TRIM75: variants seen among roughly 807,000 people sequenced by gnomAD.
TRIM75 encodes tripartite motif-containing protein 75.
chr4:165,057,891 C>T, the TRIM75 span, among the ~76,000 whole-genome samples: 1 of 152,158 alleles, frequency 6.6e-6, no homozygotes, highest in South Asian at 2.1e-4. Flanking sequence ...TGCTTCTATG[C>T]TCGTTTGGAG....
the TRIM75 span, chr4:165,059,024 C>T: frequency 1.6e-5 from 10 of 614,376 alleles, no homozygotes; most frequent in African/African-American, 1.9e-4. Context: ...GTAGTGAGGT[C>T]ATCAGCTGCC....
At chr4:165,054,889 G>A in the TRIM75 span, among the ~76,000 whole-genome samples, 1,044 of 152,158 alleles carry the variant, frequency 6.9e-3, 6 homozygotes, top group South Asian at 0.021. Context: ...GTCTGATGGC[G>A]AGTGTGGAAT....
At chr4:165,056,805 C>T in the TRIM75 span, among the ~76,000 whole-genome samples, 1 of 151,692 alleles carries the variant, frequency 6.6e-6, no homozygotes, top group South Asian at 2.1e-4. Flanking sequence ...TTAGTACAGA[C>T]GGGGTTTCAC....
the TRIM75 span, among the ~76,000 whole-genome samples, chr4:165,054,689 C>T: frequency 6.6e-6 from 1 of 152,128 alleles, no homozygotes; most frequent in African/African-American, 2.4e-5. Flanking sequence ...CATGAACTAC[C>T]GCGCCTGCGG....
the TRIM75 span, among the ~76,000 whole-genome samples, chr4:165,053,983 G>A: frequency 6.6e-6 from 1 of 152,118 alleles, no homozygotes; most frequent in African/African-American, 2.4e-5. Flanking sequence ...GGGTGCGGGA[G>A]GCTGGAGTGT....
the TRIM75 span, among the ~76,000 whole-genome samples, chr4:165,054,378 C>G: frequency 1.3e-5 from 2 of 151,362 alleles, no homozygotes; most frequent in Non-Finnish European, 2.9e-5. Context: ...AGTGATTCTC[C>G]TGCCTCAGCC....
At chr4:165,055,259 C>T in the TRIM75 span, among the ~76,000 whole-genome samples, 1 of 151,362 alleles carries the variant, frequency 6.6e-6, no homozygotes, top group Admixed American at 6.6e-5. Context: ...CACGCGTGAG[C>T]CACTGTGCCT....
the TRIM75 span, among the ~76,000 whole-genome samples, chr4:165,055,300 T>G: frequency 0.11 from 15,953 of 147,966 alleles, 1,071 homozygotes; most frequent in African/African-American, 0.2. Flanking sequence ...TTTTTTTTTT[T>G]TGCGATGGAG....
the TRIM75 span, among the ~76,000 whole-genome samples, chr4:165,054,105 T>G: frequency 6.6e-6 from 1 of 151,980 alleles, no homozygotes; most frequent in Non-Finnish European, 1.5e-5. Flanking sequence ...TTTCATTTAT[T>G]TTTTTGAGAC....
At chr4:165,054,269 T>C in the TRIM75 span, among the ~76,000 whole-genome samples, 1 of 104,702 alleles carries the variant, frequency 9.6e-6, no homozygotes, top group Non-Finnish European at 1.7e-5. Flanking sequence ...TTTGTGTATT[T>C]TTTTTTTTTT....
the TRIM75 span, chr4:165,059,288 A>C: frequency 1.3e-6 from 1 of 780,542 alleles, no homozygotes; most frequent in Non-Finnish European, 2.4e-6. Context: ...GGCTGGATCT[A>C]CAGGAATTGT....
At chr4:165,055,754 C>T in the TRIM75 span, among the ~76,000 whole-genome samples, 194 of 152,118 alleles carry the variant, frequency 1.3e-3, 1 homozygote, top group African/African-American at 4.2e-3. Flanking sequence ...TGCCTCAGGG[C>T]GAGAGAATGC....
chr4:165,058,359 T>G, the TRIM75 span, among the ~76,000 whole-genome samples: 1 of 152,012 alleles, frequency 6.6e-6, no homozygotes, highest in Non-Finnish European at 1.5e-5. Context: ...TTTTTATTTT[T>G]TTATTTTTAT....
At chr4:165,058,795 C>T in the TRIM75 span, among the ~76,000 whole-genome samples, 1 of 151,856 alleles carries the variant, frequency 6.6e-6, no homozygotes, top group South Asian at 2.1e-4. Context: ...TCTTCTCACC[C>T]ACAGCAACCA....
chr4:165,059,087 C>A, the TRIM75 span: 1 of 677,452 alleles, frequency 1.5e-6, no homozygotes, highest in Non-Finnish European at 2.7e-6. Context: ...CTGAAGAGTA[C>A]CCACAGAACT....
chr4:165,056,781 A>C, the TRIM75 span, among the ~76,000 whole-genome samples: 1 of 151,572 alleles, frequency 6.6e-6, no homozygotes, highest in Non-Finnish European at 1.5e-5. Context: ...TGCCCGGCTA[A>C]TTTTTTTGTA....
chr4:165,058,917 G>A, the TRIM75 span, among the ~76,000 whole-genome samples: 3 of 152,206 alleles, frequency 2.0e-5, no homozygotes, highest in South Asian at 6.2e-4. Flanking sequence ...ACTGCCGGCA[G>A]GCTGTGTGTG....
At chr4:165,057,888 A>G in the TRIM75 span, among the ~76,000 whole-genome samples, 1 of 152,146 alleles carries the variant, frequency 6.6e-6, no homozygotes, top group African/African-American at 2.4e-5. Context: ...TGTTGCTTCT[A>G]TGCTCGTTTG....
At chr4:165,056,602 CTTTTTTTTTTTTT>C in the TRIM75 span, among the ~76,000 whole-genome samples, 639 of 70,016 alleles carry the variant, frequency 9.1e-3, 8 homozygotes, top group African/African-American at 0.026. Flanking sequence ...GTCTCTGTCT[CTTTTTTTTTTTTT>C]TTTTTTTTTT....
Sources: gnomAD v4.1 joint callset for allele counts (sites outside exome capture counted in the v4.1 genomes callset) on GRCh38, gnomAD v4.1.1 for gene constraint, MANE v1.5 for transcripts, NCBI Gene and HGNC (gene_info 2026-07-23, HGNC 2026-07-21) for gene names.